Variants in SNX4 observed in about 807,000 individuals in gnomAD.
SNX4 encodes the protein sorting nexin 4.
Under a neutral mutation model 70.8 loss-of-function variants are expected in SNX4, and 49 were observed. The ratio of observed to expected loss-of-function variants is 0.69; its 90% CI spans 0.55 to 0.88. The LOEUF (loss-of-function observed/expected upper bound fraction) is 0.88, where lower values mean the gene tolerates loss of function less well. SNX4 is among the 40% of genes least tolerant of loss of function. SNX4 has a pLI of 0.00. For missense variants in SNX4, 528 were observed against 544.8 expected, an observed-to-expected ratio of 0.97 and a Z score of 0.31; for synonymous variants, 206 against 183.8, an observed-to-expected ratio of 1.12 and a Z score of -0.98.
At chr3:125,492,971 A>G (rs77045404) in intron 5 of SNX4, among the ~76,000 whole-genome samples, 6,182 of 152,336 alleles carry the variant, frequency 0.041, 223 homozygotes, top group East Asian at 0.12. Flanking sequence ...ATTCAGAACA[A>G]TGCTTTCATG....
At chr3:125,465,093 G>A (rs199955397) in intron 9 of SNX4, among the ~76,000 whole-genome samples, 5 of 151,962 alleles carry the variant, frequency 3.3e-5, no homozygotes, top group East Asian at 1.9e-4. Context: ...TGTTGCCCAG[G>A]CTGATCTCAA....
intron 1 of SNX4, among the ~76,000 whole-genome samples, chr3:125,506,700 C>T (rs958599033): frequency 3.3e-5 from 5 of 151,122 alleles, no homozygotes; most frequent in Non-Finnish European, 7.4e-5. Context: ...GATCCACCTG[C>T]CTCAGCCTTC....
At chr3:125,507,901 A>G (rs539693474) in intron 1 of SNX4, among the ~76,000 whole-genome samples, 2 of 152,106 alleles carry the variant, frequency 1.3e-5, no homozygotes, top group Non-Finnish European at 2.9e-5. Flanking sequence ...CAACAGTCAC[A>G]CTCTGTCTCA....
chr3:125,495,749 A>C (rs1370780701), intron 5 of SNX4, among the ~76,000 whole-genome samples: 1 of 152,238 alleles, frequency 6.6e-6, no homozygotes, highest in Non-Finnish European at 1.5e-5. Flanking sequence ...AACTGCAGTA[A>C]AGACTTAATG....
chr3:125,483,768 A>G (rs951286030), intron 6 of SNX4, among the ~76,000 whole-genome samples: 2 of 152,252 alleles, frequency 1.3e-5, no homozygotes. Flanking sequence ...GGGAAATCAG[A>G]AGACCTAAAG....
intron 1 of SNX4, among the ~76,000 whole-genome samples, chr3:125,508,734 TCAAA>T (rs1935103288): frequency 6.6e-6 from 1 of 152,082 alleles, no homozygotes; most frequent in Non-Finnish European, 1.5e-5. Context: ...GAATATATGG[TCAAA>T]CAATTTTGTG....
At chr3:125,498,493 AT>A (rs1934860053) in intron 2 of SNX4, among the ~76,000 whole-genome samples, 1 of 152,040 alleles carries the variant, frequency 6.6e-6, no homozygotes, top group South Asian at 2.1e-4. Context: ...TAATACTTTA[AT>A]TTTTTGTAAA....
intron 1 of SNX4, among the ~76,000 whole-genome samples, chr3:125,515,884 C>T (rs1236516737): frequency 6.6e-6 from 1 of 152,018 alleles, no homozygotes; most frequent in African/African-American, 2.4e-5. Flanking sequence ...TCTTCTCAAT[C>T]AATAAAAAAT....
intron 8 of SNX4, among the ~76,000 whole-genome samples, chr3:125,476,068 C>T (rs1579987913): frequency 6.6e-6 from 1 of 151,240 alleles, no homozygotes; most frequent in Admixed American, 6.6e-5. Flanking sequence ...GAGTTCAAGA[C>T]CAGCCTGGTC....
chr3:125,446,868 CAATAT>C lies in SNX4; in HGVS notation c.*906_*910del, dbSNP rs1022293390. On this transcript the variant is annotated 3_prime_UTR_variant, in exon 14 of 14. Transcript: ENST00000251775. Reference sequence around the variant, plus strand: ...TACTACAAACACACATACAAAAAAACAATATAATTTATCTTTACAAAAATTACAGC... The same window carrying C: ...TACTACAAACACACATACAAAAAAACAATTTATCTTTACAAAAATTACAGC... The C allele has an allele frequency of 6.6e-6, 1 of 152,194 alleles. No homozygotes were observed. The highest frequency in any genetic ancestry group is 6.6e-5 in the Admixed American group (1 of 15,226). The allele number at this position is 152,194 out of a possible 1,614,324, so 9.4% of individuals were successfully genotyped here.
chr3:125,453,784 T>C, intron 12 of SNX4, 26 bp downstream of exon 12: 5 of 1,609,724 alleles, frequency 3.1e-6, no homozygotes, highest in Non-Finnish European at 4.2e-6. Context: ...CAAGCCTAGC[T>C]TACTTAAACA....
At chr3:125,451,547 GAC>G (rs1377776982) in intron 12 of SNX4, 128 bp from the exon 13 acceptor site, 1 of 603,334 alleles carries the variant, frequency 1.7e-6, no homozygotes. Context: ...GCTTGTATAA[GAC>G]AGTTTTTTTA....
intron 1 of SNX4, among the ~76,000 whole-genome samples, chr3:125,513,942 A>T (rs894585475): frequency 2.0e-5 from 3 of 152,214 alleles, no homozygotes; most frequent in Non-Finnish European, 2.9e-5. Context: ...GAGATCAAGG[A>T]ACTGGCAGAT....
intron 8 of SNX4, among the ~76,000 whole-genome samples, chr3:125,474,137 T>C (rs1485104418): frequency 6.6e-6 from 1 of 152,142 alleles, no homozygotes; most frequent in African/African-American, 2.4e-5. Context: ...CCTACCATGG[T>C]AACAGGAGCT....
intron 9 of SNX4, among the ~76,000 whole-genome samples, chr3:125,465,961 A>G (rs893510840): frequency 6.6e-6 from 1 of 152,192 alleles, no homozygotes; most frequent in African/African-American, 2.4e-5. Context: ...CTTTAGAATT[A>G]GCAATTTGGG....
In SNX4 at chr3:125,498,011, T is replaced by C. The variant is rs202104344; in HGVS notation, c.400-28A>G. 5.6e-5 allele frequency: 91 copies of C among 1,614,068 alleles called. No individual in the cohort carries two copies. In the African/African-American group the frequency reaches 1.1e-3, roughly 20 times the overall value. ...AGGTAAACAAAATAATCATTAAGAA[T>C]AGTCTCAATGCTGAATACTTCTAAA... On this transcript the variant is annotated intron_variant, in intron 3 of 13. Transcript: ENST00000251775.
At chr3:125,473,851 A>G (rs1934233827) in intron 8 of SNX4, among the ~76,000 whole-genome samples, 1 of 152,180 alleles carries the variant, frequency 6.6e-6, no homozygotes, top group South Asian at 2.1e-4. Context: ...AGTCTCTTGT[A>G]GACTTGCTCT....
intron 8 of SNX4, among the ~76,000 whole-genome samples, chr3:125,471,099 C>G (rs1379307081): frequency 6.6e-6 from 1 of 152,096 alleles, no homozygotes; most frequent in African/African-American, 2.4e-5. Context: ...AATCCCAGCA[C>G]TCTGGGAAGC....
At chr3:125,512,491 T>A (rs574818732) in intron 1 of SNX4, among the ~76,000 whole-genome samples, 12 of 152,196 alleles carry the variant, frequency 7.9e-5, no homozygotes, top group Admixed American at 3.9e-4. Context: ...GTAGATGATA[T>A]AAAATTACTG....
Sources: allele counts gnomAD v4.1 joint callset (sites outside exome capture counted in the v4.1 genomes callset), GRCh38; gene constraint gnomAD v4.1.1; transcripts MANE v1.5; gene names NCBI Gene and HGNC (gene_info 2026-07-23, HGNC 2026-07-21).